Variants in VAV2 observed in about 807,000 individuals in gnomAD.
The protein encoded by VAV2 is vav guanine nucleotide exchange factor 2.
In VAV2, 67 loss-of-function variants were observed where a neutral mutation model predicts 132.5. The observed-to-expected ratio is 0.51, with a 90% CI of 0.42 to 0.62. The LOEUF (loss-of-function observed/expected upper bound fraction) is 0.62, where lower values mean the gene tolerates loss of function less well. Among genes scored for constraint, VAV2 ranks in the 20% least tolerant of loss-of-function variants. The pLI is 0.00. For missense variants in VAV2, 938 were observed against 1,153.6 expected (o/e 0.81, Z 2.71); for synonymous variants, 492 against 443.5 (o/e 1.11, Z -1.37).
chr9:133,808,050 C>T (rs886424117), intron 7 of VAV2, among the ~76,000 whole-genome samples: 5 of 115,606 alleles, frequency 4.3e-5, no homozygotes, highest in Non-Finnish European at 6.2e-5. Flanking sequence ...GCCCGGGTGG[C>T]GGCCCCAGGC....
At chr9:133,889,762 A>ACAC (rs200965924) in intron 2 of VAV2, among the ~76,000 whole-genome samples, 1 of 151,628 alleles carries the variant, frequency 6.6e-6, no homozygotes. Context: ...ACACACACAC[A>ACAC]AAAAATTTTT....
intron 2 of VAV2, among the ~76,000 whole-genome samples, chr9:133,911,862 C>G (rs991343573): frequency 2.0e-5 from 3 of 152,276 alleles, no homozygotes; most frequent in Non-Finnish European, 4.4e-5. Flanking sequence ...CAAACCCACT[C>G]TCACGTGGCC....
chr9:133,885,508 G>A lies in VAV2; in HGVS notation c.322-24076C>T, dbSNP rs560011770. Among the ~76,000 whole-genome samples the A allele has an allele frequency of 3.5e-4, 53 of 152,290 alleles. No individual in the cohort carries two copies. The South Asian group carries it at 9.5e-3, about 27-fold the overall frequency. Reference sequence around the variant, plus strand: ...TGCCACTGTGGACTCTGCAAGTGTCGTATTTACTAATAATGGTGCACCGCC... The same window carrying A: ...TGCCACTGTGGACTCTGCAAGTGTCATATTTACTAATAATGGTGCACCGCC... On this transcript the variant is annotated intron_variant, in intron 2 of 29. Coordinates refer to ENST00000371850, the MANE Select transcript of VAV2 (RefSeq NM_001134398.2). This position sits in a 1 kb window ranked among gnomAD's most constrained non-coding sequence, Gnocchi z 5.0.
chr9:133,950,956 G>A (rs998993892), intron 1 of VAV2, among the ~76,000 whole-genome samples: 6 of 152,096 alleles, frequency 3.9e-5, no homozygotes, highest in Admixed American at 6.5e-5. Context: ...GATTCTTCCC[G>A]TTCCCCCACC....
rs774782605 is a variant in VAV2 at position 133,812,140 on chromosome 9, T to C, written c.526A>G (p.Ile176Val). 6.2e-7 allele frequency: 1 copy of C among 1,613,986 alleles called. No individual in the cohort carries two copies. Among genetic ancestry groups the C allele is most frequent in the Non-Finnish European group, 8.5e-7 (1 of 1,180,006 alleles). ...ATGGGCTGCTGCACCTCCACCTTGATGATGTCCTCGTAGATGTCGTCCCCT... is the reference window on the plus strand; with the variant it reads ...ATGGGCTGCTGCACCTCCACCTTGACGATGTCCTCGTAGATGTCGTCCCCT... ...DGGDDIYEDI[I>V]KVEVQQPMIR... The change falls in exon 5 of 30, where the codon ATC becomes GTC. Residue 176 changes from isoleucine to valine, a missense_variant. Transcript: ENST00000371850.
At chr9:133,943,066 C>T (rs899469191) in intron 1 of VAV2, among the ~76,000 whole-genome samples, 3 of 152,252 alleles carry the variant, frequency 2.0e-5, no homozygotes, top group Non-Finnish European at 2.9e-5. Flanking sequence ...GGGCACCTGA[C>T]CAGAGGGCGG....
rs79789824 is a variant in VAV2, at chr9:133,804,067, G to A, written c.836+2014C>T. ...TTGGTTCTCATCCATCCCACCCAGC[G>A]AGAGGCCAGTAGCTCTGTTCACTGC... On this transcript the variant is annotated intron_variant, in intron 9 of 29. Transcript: ENST00000371850. This position sits in a 1 kb window ranked among gnomAD's most constrained non-coding sequence, Gnocchi z 4.5. Among the ~76,000 whole-genome samples the A allele has an allele frequency of 0.06, 9,093 of 152,184 alleles. 407 individuals carry two copies. The highest frequency in any genetic ancestry group is 0.12 in the African/African-American group (5,102 of 41,502).
chr9:133,976,655 C>T (rs966750662), intron 1 of VAV2, among the ~76,000 whole-genome samples: 3 of 152,356 alleles, frequency 2.0e-5, no homozygotes, highest in Admixed American at 1.3e-4. Context: ...CTCCCCAGCG[C>T]CTTCTCCCGG....
chr9:133,777,597 C>T, intron 22 of VAV2, 134 bp from the exon 23 acceptor site: 2 of 850,524 alleles, frequency 2.4e-6, no homozygotes. Flanking sequence ...CTTTCCCAAC[C>T]TCAGCTGACC....
In VAV2 at chr9:133,863,322, T is replaced by G. The variant is rs1837671589; in HGVS notation, c.322-1890A>C. 6.6e-6 allele frequency among the ~76,000 whole-genome samples: 1 copy of G among 152,142 alleles called. No individual in the cohort carries two copies. Among genetic ancestry groups the G allele is most frequent in the Non-Finnish European group, 1.5e-5 (1 of 68,002 alleles). On this transcript the variant is annotated intron_variant, in intron 2 of 29. Coordinates refer to ENST00000371850, the MANE Select transcript of VAV2 (RefSeq NM_001134398.2). The surrounding 1 kb of genome is among the most constrained non-coding windows in gnomAD (Gnocchi z 5.0). ...GCCGGGCGCAGGCCCAGAGCCCTCC[T>G]CCGTGGAGTCTAAGGAGGCACCAGC... is the stretch of plus-strand genomic sequence containing the variant.
At chr9:133,950,033 C>T (rs1357175231) in intron 1 of VAV2, among the ~76,000 whole-genome samples, 2 of 152,228 alleles carry the variant, frequency 1.3e-5, no homozygotes, top group Admixed American at 6.5e-5. Flanking sequence ...AGTGCTGGGG[C>T]TCCCACCCGC....
intron 2 of VAV2, among the ~76,000 whole-genome samples, chr9:133,930,048 G>T (rs190392881): frequency 2.4e-4 from 37 of 152,358 alleles, no homozygotes; most frequent in African/African-American, 8.9e-4. Context: ...AGTGGTCTGA[G>T]ATTCTCAGCT....
chr9:133,936,529 C>T (rs888904852), intron 2 of VAV2, among the ~76,000 whole-genome samples: 13 of 152,138 alleles, frequency 8.5e-5, no homozygotes, highest in Non-Finnish European at 2.9e-5. Context: ...AGGCGTGAGC[C>T]ACCATGCCCG....
chr9:133,986,232 C>G (rs1842852586), intron 1 of VAV2, among the ~76,000 whole-genome samples: 1 of 152,170 alleles, frequency 6.6e-6, no homozygotes, highest in African/African-American at 2.4e-5. Context: ...TGCTAGGAGG[C>G]AAGAAGGATG....
chr9:133,900,113 T>A (rs1458483048), intron 2 of VAV2, among the ~76,000 whole-genome samples: 1 of 151,018 alleles, frequency 6.6e-6, no homozygotes, highest in East Asian at 1.9e-4. Flanking sequence ...GCAGGAAGGA[T>A]CACTGGAACC....
intron 1 of VAV2, among the ~76,000 whole-genome samples, chr9:133,990,642 C>T (rs1008898546): frequency 6.6e-6 from 1 of 152,188 alleles, no homozygotes; most frequent in African/African-American, 2.4e-5. Flanking sequence ...CACCTTGGTT[C>T]GAGGCCCAGC....
intron 4 of VAV2, among the ~76,000 whole-genome samples, chr9:133,815,636 A>AC (rs1400068012): frequency 6.6e-6 from 1 of 152,184 alleles, no homozygotes; most frequent in Non-Finnish European, 1.5e-5. Context: ...TTTGCAGCTC[A>AC]TTCCTGTTTA....
intron 2 of VAV2, among the ~76,000 whole-genome samples, chr9:133,887,601 C>G (rs1253500289): frequency 6.6e-6 from 1 of 152,042 alleles, no homozygotes; most frequent in African/African-American, 2.4e-5. Flanking sequence ...ACATTCCCCA[C>G]GCGCCTCCCT....
At chr9:133,986,725 C>T (rs1299448690) in intron 1 of VAV2, among the ~76,000 whole-genome samples, 1 of 152,204 alleles carries the variant, frequency 6.6e-6, no homozygotes, top group Admixed American at 6.5e-5. Flanking sequence ...AAAGAAAAGA[C>T]GCCCTTGTCT....
Sources: gnomAD v4.1 joint callset for allele counts (sites outside exome capture counted in the v4.1 genomes callset) on GRCh38, gnomAD v4.1.1 for gene constraint, Gnocchi (gnomAD v3.1) non-coding constraint, MANE v1.5 for transcripts, NCBI Gene and HGNC (gene_info 2026-07-23, HGNC 2026-07-21) for gene names.